PTGFRN: variants seen among roughly 807,000 people sequenced by gnomAD.
PTGFRN encodes prostaglandin F2 receptor inhibitor, also known as prostaglandin F2 receptor negative regulator.
A neutral mutation model predicts 83.2 loss-of-function variants in PTGFRN; 35 were observed. That is an observed-to-expected ratio of 0.42 (90% CI 0.32 to 0.56). The LOEUF (loss-of-function observed/expected upper bound fraction) is 0.56, where lower values mean the gene tolerates loss of function less well. PTGFRN is among the 20% of genes least tolerant of loss of function. The pLI is 0.11. For synonymous variants in PTGFRN, 519 were observed against 498.6 expected (o/e 1.04, Z -0.55); for missense variants, 1,051 against 1,179.5 (o/e 0.89, Z 1.60).
At chr1:116,926,834 C>T (rs556117864) in intron 1 of PTGFRN, among the ~76,000 whole-genome samples, 9 of 152,214 alleles carry the variant, frequency 5.9e-5, no homozygotes, top group South Asian at 2.1e-4. Context: ...TTAGACCTTA[C>T]ACAATTATGG....
chr1:116,921,843 G>A (rs904533828), intron 1 of PTGFRN, among the ~76,000 whole-genome samples: 2 of 152,112 alleles, frequency 1.3e-5, no homozygotes, highest in Admixed American at 6.5e-5. Flanking sequence ...TGAGGCCAGG[G>A]GCTGTTATTA....
intron 4 of PTGFRN, among the ~76,000 whole-genome samples, chr1:116,956,794 A>G (rs946906890): frequency 2.6e-5 from 4 of 152,224 alleles, no homozygotes; most frequent in African/African-American, 9.6e-5. Flanking sequence ...TTGTTATTAT[A>G]GTCTTGGCTA....
At chr1:116,919,302 G>A (rs750158803) in intron 1 of PTGFRN, among the ~76,000 whole-genome samples, 2 of 152,162 alleles carry the variant, frequency 1.3e-5, no homozygotes, top group East Asian at 1.9e-4. Flanking sequence ...GACCAGGTGC[G>A]ATGCAAGAGA....
chr1:116,921,793 C>T (rs576472659), intron 1 of PTGFRN, among the ~76,000 whole-genome samples: 1 of 152,212 alleles, frequency 6.6e-6, no homozygotes, highest in South Asian at 2.1e-4. Flanking sequence ...GTTATTAGAT[C>T]ACTGTACATA....
At position 116,910,222 on chromosome 1, in the gene PTGFRN, A is replaced by G; in HGVS notation, c.19A>G (p.Arg7Gly). The change falls in exon 1 of 9, where the codon AGG becomes GGG. Residue 7 changes from arginine to glycine, a missense_variant. By Grantham distance (125) the Arg-to-Gly change is moderately radical. Transcript: ENST00000393203. MGRLAS[R>G]PLLLALLSLA... is the part of the protein sequence containing the mutation. Reference sequence around the variant, plus strand: ...GGCGAGCATGGGGCGCCTGGCCTCGAGGCCGCTGCTGCTGGCGCTCCTGTC... The same window carrying G: ...GGCGAGCATGGGGCGCCTGGCCTCGGGGCCGCTGCTGCTGGCGCTCCTGTC... The G allele has an allele frequency of 6.9e-7, 1 of 1,459,722 alleles. No individual in the cohort carries two copies. The highest frequency in any genetic ancestry group is 9.0e-7 in the Non-Finnish European group (1 of 1,112,672). The allele number at this position is 1,459,722 out of a possible 1,614,324, so 90.4% of individuals were successfully genotyped here.
In PTGFRN at chr1:116,942,161, A is replaced by G. The variant is rs1362994073; in HGVS notation, c.418+78A>G. 3 of 1,505,906 alleles carry G rather than the reference A, an allele frequency of 2.0e-6. No individual in the cohort carries two copies. The African/African-American group carries it at 4.2e-5, about 21-fold the overall frequency. 93.3% of individuals were successfully genotyped at this position (1,505,906 alleles called of 1,614,324 possible). A position where few individuals can be genotyped will look rare whatever the true frequency, so the allele number is the denominator to read the frequency against. On this transcript the variant is annotated intron_variant, in intron 2 of 8. Coordinates refer to ENST00000393203, the MANE Select transcript of PTGFRN (RefSeq NM_020440.4). ...CTGGGCTGTGGTGGACTTTGTCAAG[A>G]GACTTAATTTCTCTGAGGCTCTGCT...
In PTGFRN at chr1:116,942,105, G is replaced by A. The variant is rs764679313; in HGVS notation, c.418+22G>A. 2.6e-5 allele frequency: 42 copies of A among 1,588,666 alleles called. No homozygotes were observed. In the South Asian group the frequency reaches 3.8e-4, roughly 14 times the overall value. ...AAAGGTACAGTCCTCACATGGGCTT[G>A]TTATGCCAGGGGCCAGACCTTTCTC... On this transcript the variant is annotated intron_variant, in intron 2 of 8. Transcript: ENST00000393203.
intron 1 of PTGFRN, among the ~76,000 whole-genome samples, chr1:116,917,271 G>A (rs769930200): frequency 1.7e-4 from 26 of 151,900 alleles, no homozygotes; most frequent in Non-Finnish European, 3.1e-4. Flanking sequence ...CCACTGTGAG[G>A]GTAGTGGCTC....
intron 6 of PTGFRN, among the ~76,000 whole-genome samples, chr1:116,971,389 T>C (rs1650989393): frequency 6.6e-6 from 1 of 152,210 alleles, no homozygotes; most frequent in African/African-American, 2.4e-5. Context: ...GAACATGGTT[T>C]ATGTCAATGT....
chr1:116,967,319 T>G lies in PTGFRN; in HGVS notation c.2048T>G (p.Phe683Cys). 6.2e-7 allele frequency: 1 copy of G among 1,609,898 alleles called. No individual in the cohort carries two copies. Among genetic ancestry groups the G allele is most frequent in the Non-Finnish European group, 8.5e-7 (1 of 1,176,510 alleles). Reference sequence around the variant, plus strand: ...CTCTCCAATCCTATTGAGATAGACTTCCAAACCTCAGGTGAGCAGTGAGCC... The same window carrying G: ...CTCTCCAATCCTATTGAGATAGACTGCCAAACCTCAGGTGAGCAGTGAGCC... ...TSLSNPIEID[F>C]QTSGPIFNAS... is the part of the protein sequence containing the mutation. The change falls in exon 6 of 9, where the codon TTC (phenylalanine) becomes TGC (cysteine). Residue 683 changes from phenylalanine to cysteine, a missense_variant. Physicochemically the swap from Phe to Cys is radical, Grantham distance 205 (BLOSUM62 -2). This residue lies in a region of PTGFRN where 719 missense variants were observed against 836.6 expected (regional missense o/e 0.86). Coordinates refer to ENST00000393203, the MANE Select transcript of PTGFRN (RefSeq NM_020440.4).
At chr1:116,965,056 G>C (rs1650786115) in intron 5 of PTGFRN, among the ~76,000 whole-genome samples, 1 of 152,138 alleles carries the variant, frequency 6.6e-6, no homozygotes, top group Non-Finnish European at 1.5e-5. Flanking sequence ...AGTGGTCTTA[G>C]ATGTTCTGTA....
At chr1:116,912,675 T>C (rs1649302792) in intron 1 of PTGFRN, among the ~76,000 whole-genome samples, 2 of 152,152 alleles carry the variant, frequency 1.3e-5, no homozygotes, top group Admixed American at 6.5e-5. Flanking sequence ...TCCTAAATGA[T>C]CATTTTTGGG....
Position 116,944,777 on chromosome 1 carries a change from T to TCCGC in PTGFRN, c.519_522dup (p.Ser175ArgfsTer118). 2 of 1,558,248 alleles carry TCCGC rather than the reference T, an allele frequency of 1.3e-6. No homozygotes were observed. The highest frequency in any genetic ancestry group is 1.7e-6 in the Non-Finnish European group (2 of 1,156,070). Reference sequence around the variant, plus strand: ...CTTCGAGCTGCGCTGCACCGCCGCCTCCGCCTCGCCGCTGCACACGCACCT... The same window carrying TCCGC: ...CTTCGAGCTGCGCTGCACCGCCGCCTCCGCCCGCCTCGCCGCTGCACACGCACCT... On this transcript the variant is annotated frameshift_variant, in exon 3 of 9. Coordinates refer to ENST00000393203, the MANE Select transcript of PTGFRN (RefSeq NM_020440.4). LOFTEE classifies it high-confidence loss of function.
intron 1 of PTGFRN, among the ~76,000 whole-genome samples, chr1:116,916,739 A>T (rs1473403846): frequency 5.9e-5 from 9 of 152,310 alleles, no homozygotes; most frequent in South Asian, 2.1e-4. Context: ...CTGTTTGAAG[A>T]TGCAAGGTGA....
intron 1 of PTGFRN, among the ~76,000 whole-genome samples, chr1:116,912,292 G>A (rs1031466065): frequency 2.0e-5 from 3 of 152,158 alleles, no homozygotes; most frequent in Non-Finnish European, 2.9e-5. Context: ...CTGAACCATT[G>A]ATGACCCTCC....
chr1:116,920,069 C>T (rs2250865), intron 1 of PTGFRN, among the ~76,000 whole-genome samples: 25,648 of 152,270 alleles, frequency 0.17, 4,491 homozygotes, highest in African/African-American at 0.44. Context: ...CTGAGCACTC[C>T]TTATAATCCT....
chr1:116,936,086 C>G (rs1176329841), intron 1 of PTGFRN, among the ~76,000 whole-genome samples: 1 of 152,110 alleles, frequency 6.6e-6, no homozygotes, highest in East Asian at 1.9e-4. Context: ...GGAAAACTTT[C>G]TTTTCCTCTT....
At position 116,945,079 on chromosome 1, in the gene PTGFRN, G is replaced by A; in HGVS notation, c.819G>A (p.Val273=). 1 of 1,612,548 alleles carries A rather than the reference G, an allele frequency of 6.2e-7. No homozygotes were observed. Among genetic ancestry groups the A allele is most frequent in the Non-Finnish European group, 8.5e-7 (1 of 1,179,334 alleles). ...QEKAVEVATV[V]IQPSVLRAAV... ...AGGCCGTGGAAGTTGCCACCGTGGT[G>A]ATCCAGCCATCAGGTGAGCTGGAAA... Residue 273 remains valine, a synonymous_variant, in exon 3 of 9, where the codon GTG becomes GTA. Transcript: ENST00000393203.
intron 7 of PTGFRN, among the ~76,000 whole-genome samples, chr1:116,982,830 A>G (rs1411184058): frequency 6.6e-6 from 1 of 152,160 alleles, no homozygotes; most frequent in Non-Finnish European, 1.5e-5. Context: ...CATAACCTCC[A>G]GGTGGCGGCT....
Sources: allele counts gnomAD v4.1 joint callset (sites outside exome capture counted in the v4.1 genomes callset), GRCh38; gene constraint gnomAD v4.1.1; regional missense constraint gnomAD v4.1.1; transcripts MANE v1.5; gene names NCBI Gene and HGNC (gene_info 2026-07-23, HGNC 2026-07-21).